Variants in GPC5 observed in about 807,000 individuals in gnomAD.
GPC5 encodes the protein glypican-5.
Under a neutral mutation model 53.9 loss-of-function variants are expected in GPC5, and 47 were observed. The observed-to-expected ratio is 0.87, with a 90% CI of 0.69 to 1.11. The LOEUF (loss-of-function observed/expected upper bound fraction) is 1.11, where lower values mean the gene tolerates loss of function less well. GPC5 is among the 50% of genes most tolerant of loss of function. The probability of loss-of-function intolerance (pLI) is 0.00; values close to 1 mark genes in which losing one functional copy is unlikely to be tolerated. For synonymous variants in GPC5, 286 were observed against 263.3 expected (o/e 1.09, Z -0.84); for missense variants, 748 against 713.1 (o/e 1.05, Z -0.56).
chr13:92,090,040 G>A (rs894721836), intron 6 of GPC5, among the ~76,000 whole-genome samples: 4 of 152,104 alleles, frequency 2.6e-5, no homozygotes, highest in Non-Finnish European at 5.9e-5. Context: ...CTTATGTGGT[G>A]AAAAAGTATG....
intron 7 of GPC5, among the ~76,000 whole-genome samples, chr13:92,588,846 A>T (rs1883626906): frequency 6.6e-6 from 1 of 152,324 alleles, no homozygotes; most frequent in African/African-American, 2.4e-5. Context: ...AAATAAAAAT[A>T]CTGCTTTGAT....
chr13:91,797,592 A>G (rs1386193643), intron 5 of GPC5, among the ~76,000 whole-genome samples: 1 of 152,230 alleles, frequency 6.6e-6, no homozygotes, highest in Non-Finnish European at 1.5e-5. Flanking sequence ...CGTATTTAAC[A>G]TCTAATTTAG....
At chr13:92,694,030 C>G (rs1887489102) in intron 7 of GPC5, among the ~76,000 whole-genome samples, 2 of 152,160 alleles carry the variant, frequency 1.3e-5, no homozygotes, top group Non-Finnish European at 2.9e-5. Flanking sequence ...AAAAGGGGCC[C>G]AGGTGCAACT....
At chr13:91,624,997 A>G (rs548371651) in intron 2 of GPC5, among the ~76,000 whole-genome samples, 4 of 152,070 alleles carry the variant, frequency 2.6e-5, no homozygotes, top group Admixed American at 6.6e-5. Context: ...GAAGTAGATA[A>G]GGAGAAACAC....
intron 6 of GPC5, among the ~76,000 whole-genome samples, chr13:92,131,430 TAGAAAC>T (rs2138962245): frequency 6.6e-6 from 1 of 152,100 alleles, no homozygotes; most frequent in African/African-American, 2.4e-5. Context: ...AGCCCAAAAT[TAGAAAC>T]AGGTGAATCA....
At chr13:92,804,837 T>C (rs757990145) in intron 7 of GPC5, among the ~76,000 whole-genome samples, 3 of 152,114 alleles carry the variant, frequency 2.0e-5, no homozygotes, top group Non-Finnish European at 2.9e-5. Flanking sequence ...ACTAAGTTTA[T>C]GTAATATTCT....
chr13:92,385,803 GTA>G (rs66626865), intron 7 of GPC5, among the ~76,000 whole-genome samples: 85,660 of 138,826 alleles, frequency 0.62, 26,374 homozygotes, highest in African/African-American at 0.71. Flanking sequence ...ACATATATAC[GTA>G]TATATATACA....
At chr13:92,857,447 C>T (rs1879037302) in intron 7 of GPC5, among the ~76,000 whole-genome samples, 1 of 152,056 alleles carries the variant, frequency 6.6e-6, no homozygotes, top group Non-Finnish European at 1.5e-5. Context: ...GCAATTGCAG[C>T]AGAAATAAAA....
chr13:91,993,624 A>G lies in GPC5; in HGVS notation c.1401+85567A>G, dbSNP rs563548068. ...TGTCTGTGTGTGTGCACGCACTCAC[A>G]CACACACATTAAGGCTGTTTCAGGC... On this transcript the variant is annotated intron_variant, in intron 6 of 7. Coordinates refer to ENST00000377067, the MANE Select transcript of GPC5 (RefSeq NM_004466.6). 4.5e-4 allele frequency among the ~76,000 whole-genome samples: 69 copies of G among 152,350 alleles called. 1 individual carries two copies. The highest frequency in any genetic ancestry group is 1.6e-3 in the African/African-American group (67 of 41,586).
intron 7 of GPC5, among the ~76,000 whole-genome samples, chr13:92,526,875 T>TA (rs1881303244): frequency 6.6e-6 from 1 of 151,658 alleles, no homozygotes; most frequent in African/African-American, 2.4e-5. Flanking sequence ...CTTAAACTGT[T>TA]AGTTTGAGTA....
At chr13:92,303,705 G>C (rs1448065306) in intron 7 of GPC5, among the ~76,000 whole-genome samples, 1 of 152,136 alleles carries the variant, frequency 6.6e-6, no homozygotes, top group Admixed American at 6.5e-5. Flanking sequence ...GCCTTACCAA[G>C]GTCATAATGC....
chr13:91,700,781 C>A (rs2035975717), intron 3 of GPC5, among the ~76,000 whole-genome samples: 1 of 152,164 alleles, frequency 6.6e-6, no homozygotes, highest in African/African-American at 2.4e-5. Context: ...AATTACGTGT[C>A]AAATGTGCAT....
chr13:91,418,008 G>A (rs1296097060), intron 1 of GPC5, among the ~76,000 whole-genome samples: 2 of 152,112 alleles, frequency 1.3e-5, no homozygotes, highest in Non-Finnish European at 2.9e-5. Flanking sequence ...ATTGCTTGCT[G>A]TTCTGAGTAG....
chr13:91,407,314 T>C (rs556483610), intron 1 of GPC5, among the ~76,000 whole-genome samples: 7 of 152,202 alleles, frequency 4.6e-5, no homozygotes, highest in Non-Finnish European at 1.0e-4. Flanking sequence ...TTATCTGCTA[T>C]CTAACATTTT....
intron 6 of GPC5, among the ~76,000 whole-genome samples, chr13:91,984,195 G>T (rs1023157335): frequency 6.6e-6 from 1 of 152,114 alleles, no homozygotes; most frequent in Non-Finnish European, 1.5e-5. Flanking sequence ...GTTGCATTTT[G>T]TTGTTGTTAT....
At chr13:92,002,003 G>A (rs2040559707) in intron 6 of GPC5, among the ~76,000 whole-genome samples, 1 of 152,194 alleles carries the variant, frequency 6.6e-6, no homozygotes, top group African/African-American at 2.4e-5. Context: ...TAAAGAGTAA[G>A]CCTTTCTGTG....
At chr13:91,894,209 TA>T (rs1264287799) in intron 5 of GPC5, among the ~76,000 whole-genome samples, 1 of 152,180 alleles carries the variant, frequency 6.6e-6, no homozygotes, top group Non-Finnish European at 1.5e-5. Flanking sequence ...GGAGCTATGA[TA>T]ATTTGTAAAA....
At chr13:91,742,453 T>C (rs2036955849) in intron 4 of GPC5, among the ~76,000 whole-genome samples, 1 of 152,164 alleles carries the variant, frequency 6.6e-6, no homozygotes, top group African/African-American at 2.4e-5. Context: ...ATGAAAAAAT[T>C]AATGGCCATT....
At chr13:92,791,860 T>C (rs1252919292) in intron 7 of GPC5, among the ~76,000 whole-genome samples, 2 of 152,126 alleles carry the variant, frequency 1.3e-5, no homozygotes, top group Non-Finnish European at 2.9e-5. Flanking sequence ...ATATATAACA[T>C]AAAATTTGTC....
Sources: gnomAD v4.1 joint callset for allele counts (sites outside exome capture counted in the v4.1 genomes callset) on GRCh38, gnomAD v4.1.1 for gene constraint, MANE v1.5 for transcripts, NCBI Gene and HGNC (gene_info 2026-07-23, HGNC 2026-07-21) for gene names.